TP53BP1: variants seen among roughly 807,000 people sequenced by gnomAD.
The protein encoded by TP53BP1 is tumor protein p53 binding protein 1.
In TP53BP1, 61 loss-of-function variants were observed where a neutral mutation model predicts 200.8. The observed-to-expected ratio is 0.30, with a 90% CI of 0.25 to 0.38. TP53BP1 has a LOEUF of 0.38. TP53BP1 is among the 10% of genes least tolerant of loss of function. TP53BP1 has a pLI of 1.00. For synonymous variants in TP53BP1, 822 were observed against 844.3 expected (o/e 0.97, Z 0.46); for missense variants, 2,144 against 2,371.9 (o/e 0.90, Z 2.00).
chr15:43,451,130 A>G (rs2046156382), intron 12 of TP53BP1, among the ~76,000 whole-genome samples: 1 of 152,132 alleles, frequency 6.6e-6, no homozygotes, highest in Admixed American at 6.5e-5. Flanking sequence ...AACTCACCCA[A>G]TTCACACCTT....
chr15:43,442,505 T>A (rs1439670180), intron 14 of TP53BP1, among the ~76,000 whole-genome samples: 1 of 151,856 alleles, frequency 6.6e-6, no homozygotes, highest in East Asian at 1.9e-4. Context: ...GAGTAACTTT[T>A]TTTTTTTTTG....
intron 25 of TP53BP1, chr15:43,409,382 G>A (rs2045036699): frequency 3.6e-6 from 2 of 556,260 alleles, no homozygotes; most frequent in Non-Finnish European, 6.4e-6. Context: ...ACCCTAATAG[G>A]GGTTTCTACT....
upstream of TP53BP1, among the ~76,000 whole-genome samples, chr15:43,495,495 TCACA>T (rs376410840): frequency 0.05 from 6,609 of 133,346 alleles, 186 homozygotes; most frequent in East Asian, 0.085. Context: ...TGAGACTCCG[TCACA>T]CACACACACA....
At chr15:43,428,211 A>G (rs751530357) in intron 17 of TP53BP1, 43 bp from the exon 18 acceptor site, 1 of 1,573,050 alleles carries the variant, frequency 6.4e-7, no homozygotes, top group South Asian at 1.1e-5. Context: ...TCTCACTGCA[A>G]GCTGTCAAAA....
intron 12 of TP53BP1, among the ~76,000 whole-genome samples, chr15:43,451,599 G>A (rs2046172274): frequency 6.6e-6 from 1 of 152,174 alleles, no homozygotes; most frequent in South Asian, 2.1e-4. Flanking sequence ...GGACATTTGG[G>A]ATGGTTCCAA....
chr15:43,477,650 G>C lies in TP53BP1; in HGVS notation c.898C>G (p.Pro300Ala). The change falls in exon 8 of 28, where the codon CCA (proline) becomes GCA (alanine). Residue 300 changes from proline (P) to alanine (A), a missense_variant. Transcript: ENST00000382044. The part of the protein sequence containing the change: ...MESGLQIQKS[P>A]EPEVLSTQED... ...TGAGTTGACAAAACCTCAGGCTCTGGTGACTTCTGAATCTGCAGTCCACTT... is the reference window on the plus strand; with the variant it reads ...TGAGTTGACAAAACCTCAGGCTCTGCTGACTTCTGAATCTGCAGTCCACTT... The C allele has an allele frequency of 6.2e-7, 1 of 1,613,838 alleles. No individual in the cohort carries two copies. Among genetic ancestry groups the C allele is most frequent in the Non-Finnish European group, 8.5e-7 (1 of 1,179,898 alleles).
In TP53BP1 at chr15:43,456,696, T is replaced by A. The variant is rs756570796; in HGVS notation, c.1912A>T (p.Thr638Ser). ...ACACTAGAAAGTGCCTCAGATCGAGTAGCTGGTGACGGAACTGCCTGACTC... is the reference window on the plus strand; with the variant it reads ...ACACTAGAAAGTGCCTCAGATCGAGAAGCTGGTGACGGAACTGCCTGACTC... The part of the protein sequence containing the change: ...SGSQAVPSPA[T>S]RSEALSSVLD... The change falls in exon 12 of 28, where the codon ACT (threonine) becomes TCT (serine). Residue 638 changes from threonine (T) to serine (S), a missense_variant. This residue lies in a region of TP53BP1 where 1,700 missense variants were observed against 1,710.3 expected (regional missense o/e 0.99). Transcript: ENST00000382044. 1 of 1,614,122 alleles carries A rather than the reference T, an allele frequency of 6.2e-7. No homozygotes were observed. Among genetic ancestry groups the A allele is most frequent in the Admixed American group, 1.7e-5 (1 of 60,014 alleles).
chr15:43,469,845 T>C lies in TP53BP1; in HGVS notation c.1389+13A>G. 1 of 1,603,118 alleles carries C rather than the reference T, an allele frequency of 6.2e-7. No homozygotes were observed. The highest frequency in any genetic ancestry group is 8.5e-7 in the Non-Finnish European group (1 of 1,170,962). ...AATATGTTAGGAGAAACAACTCTTTTTACAATACTCACATGAGAAAACTGA... is the reference window on the plus strand; with the variant it reads ...AATATGTTAGGAGAAACAACTCTTTCTACAATACTCACATGAGAAAACTGA... On this transcript the variant is annotated intron_variant, in intron 11 of 27. Transcript: ENST00000382044.
chr15:43,469,809 T>TG (rs1417470285), intron 11 of TP53BP1, 49 bp downstream of exon 11: 1 of 1,469,682 alleles, frequency 6.8e-7, no homozygotes, highest in East Asian at 2.3e-5. Flanking sequence ...CCAATAATGC[T>TG]GCTTTAAAAA....
intron 8 of TP53BP1, among the ~76,000 whole-genome samples, chr15:43,476,875 G>A (rs957534448): frequency 3.9e-5 from 6 of 152,114 alleles, no homozygotes; most frequent in African/African-American, 9.7e-5. Flanking sequence ...TGTCCTTTCC[G>A]CTAGATTTTA....
rs1053416281 is a variant in TP53BP1, at chr15:43,503,936, T to C, written c.-9+6434A>G. On this transcript the variant is annotated intron_variant, in intron 1 of 27. Transcript: ENST00000263801. ...AATTATTTGCCAAACAATACACCTATATACATAGCATTTACACTGTATTAG... is the reference window on the plus strand; with the variant it reads ...AATTATTTGCCAAACAATACACCTACATACATAGCATTTACACTGTATTAG... Among the ~76,000 whole-genome samples the C allele has an allele frequency of 2.2e-4, 33 of 152,296 alleles. No individual in the cohort carries two copies. The East Asian group carries it at 5.0e-3, about 23-fold the overall frequency.
In TP53BP1 at chr15:43,405,119, C is replaced by T; in HGVS notation, c.*2264G>A. On this transcript the variant is annotated 3_prime_UTR_variant, in exon 28 of 28. Transcript: ENST00000382044. ...AGTTTTAAGATGACATTATTTAGAT[C>T]ACAGGTTATCCTGATTCATATTTCT... 1 of 1,488,590 alleles carries T rather than the reference C, an allele frequency of 6.7e-7. No homozygotes were observed. Among genetic ancestry groups the T allele is most frequent in the Non-Finnish European group, 9.3e-7 (1 of 1,070,054 alleles). 92.2% of individuals were successfully genotyped at this position (1,488,590 alleles called of 1,614,324 possible).
At chr15:43,474,428 A>C (rs1486806583) in intron 10 of TP53BP1, among the ~76,000 whole-genome samples, 4 of 142,048 alleles carry the variant, frequency 2.8e-5, no homozygotes, top group Non-Finnish European at 5.9e-5. Flanking sequence ...GACTGCCAGC[A>C]CGCTGTCACC....
intron 4 of TP53BP1, among the ~76,000 whole-genome samples, chr15:43,484,412 T>C (rs1421202143): frequency 6.6e-6 from 1 of 152,216 alleles, no homozygotes; most frequent in African/African-American, 2.4e-5. Flanking sequence ...CCTCTAGCCT[T>C]GTCCTGCTTT....
In TP53BP1 at chr15:43,438,511, T is replaced by C. The variant is rs2045852090; in HGVS notation, c.3099-95A>G. The C allele has an allele frequency of 3.9e-6, 4 of 1,015,308 alleles. No homozygotes were observed. In the South Asian group the frequency reaches 5.4e-5, roughly 14 times the overall value. 62.9% of individuals were successfully genotyped at this position (1,015,308 alleles called of 1,614,324 possible). ...TATGCACAGAGGAAATAAAATGCTT[T>C]CTCTGCATATCAAACTCCAAACCAC... On this transcript the variant is annotated intron_variant, in intron 15 of 27. Transcript: ENST00000382044.
At chr15:43,459,355 A>G (rs1270216175) in intron 11 of TP53BP1, among the ~76,000 whole-genome samples, 2 of 152,174 alleles carry the variant, frequency 1.3e-5, no homozygotes, top group Non-Finnish European at 2.9e-5. Flanking sequence ...AGATGTGCAA[A>G]TGATCATAGG....
intron 16 of TP53BP1, among the ~76,000 whole-genome samples, chr15:43,435,664 T>C (rs560737586): frequency 6.6e-6 from 1 of 151,946 alleles, no homozygotes; most frequent in African/African-American, 2.4e-5. Flanking sequence ...ATAATGAGCA[T>C]AGAAATTTAG....
intron 18 of TP53BP1, among the ~76,000 whole-genome samples, chr15:43,427,513 G>C (rs1455548787): frequency 1.3e-5 from 2 of 152,186 alleles, no homozygotes; most frequent in African/African-American, 2.4e-5. Context: ...TGGTCAAACA[G>C]CAAACCTATG....
rs2078901035 is a variant in TP53BP1, at chr15:43,477,462, C to T, written c.955+131G>A. On this transcript the variant is annotated intron_variant, in intron 8 of 27. Transcript: ENST00000382044. Reference sequence around the variant, plus strand: ...CCCTTCTCACTAATTACTAGAAACACGTTTTCCTTCCATATCACAAACAAG... The same window carrying T: ...CCCTTCTCACTAATTACTAGAAACATGTTTTCCTTCCATATCACAAACAAG... The T allele has an allele frequency of 1.0e-5, 8 of 800,416 alleles. No individual in the cohort carries two copies. The South Asian group carries it at 1.4e-4, about 14-fold the overall frequency. The allele number at this position is 800,416 out of a possible 1,614,324, so 49.6% of individuals were successfully genotyped here.
Sources: gnomAD v4.1 joint callset for allele counts (sites outside exome capture counted in the v4.1 genomes callset) on GRCh38, gnomAD v4.1.1 for gene constraint, gnomAD v4.1.1 regional missense constraint, MANE v1.5 for transcripts, NCBI Gene and HGNC (gene_info 2026-07-23, HGNC 2026-07-21) for gene names.